The following PAK3 variants were observed in gnomAD, a reference collection of about 807,000 sequenced individuals.
The protein encoded by PAK3 is p21 (RAC1) activated kinase 3.
PAK3 carries 4 observed loss-of-function variants against 41.0 expected under a neutral mutation model. The observed-to-expected ratio is 0.10, with a 90% CI of 0.05 to 0.22. PAK3 has a LOEUF of 0.22. PAK3 is among the 10% of genes least tolerant of loss of function. The probability of loss-of-function intolerance (pLI) is 1.00; values close to 1 mark genes in which losing one functional copy is unlikely to be tolerated. For synonymous variants in PAK3, 146 were observed against 139.6 expected, an observed-to-expected ratio of 1.05 and a Z score of -0.32; for missense variants, 205 against 409.9, an observed-to-expected ratio of 0.50 and a Z score of 4.32.
At chrX:110,949,388 C>T (rs2090693275) in intron 1 of PAK3, among the ~76,000 whole-genome samples, 1 of 111,787 alleles carries the variant, frequency 8.9e-6, no homozygotes, top group South Asian at 3.8e-4. Flanking sequence ...ATGATTTGAT[C>T]ATCCTAGTCC....
intron 1 of PAK3, among the ~76,000 whole-genome samples, chrX:110,949,230 G>A (rs189412606): frequency 5.4e-5 from 6 of 111,414 alleles, no homozygotes; most frequent in African/African-American, 9.8e-5. Flanking sequence ...AGTTTTAGCA[G>A]AGGGATAGGT....
At chrX:111,018,846 G>A (rs112072654) in intron 1 of PAK3, among the ~76,000 whole-genome samples, 2,303 of 111,467 alleles carry the variant, frequency 0.021, 64 homozygotes, top group African/African-American at 0.07. Flanking sequence ...AACATACTAC[G>A]AAGCTTACAG....
At chrX:111,211,006 T>C (rs917912010) in intron 16 of PAK3, among the ~76,000 whole-genome samples, 2 of 111,608 alleles carry the variant, frequency 1.8e-5, no homozygotes, top group Non-Finnish European at 3.8e-5. Context: ...AAAGAGGAGA[T>C]GGCATTTTAA....
chrX:111,096,013 T>G (rs1259406366), upstream of PAK3, among the ~76,000 whole-genome samples: 1 of 111,314 alleles, frequency 9.0e-6, no homozygotes, highest in African/African-American at 3.3e-5. Context: ...TTCCCTCCCC[T>G]TCAGTTTTTT....
chrX:111,146,619 T>C, intron 6 of PAK3: 1 of 694,478 alleles, frequency 1.4e-6, no homozygotes, highest in Non-Finnish European at 2.2e-6. Flanking sequence ...TGAGATGTCA[T>C]AGCACTGCAG....
chrX:111,215,173 C>T (rs945982767), intron 16 of PAK3, among the ~76,000 whole-genome samples: 1 of 111,874 alleles, frequency 8.9e-6, no homozygotes, highest in Admixed American at 9.5e-5. Flanking sequence ...TCATCCTTAG[C>T]TCTCCAGTGT....
At chrX:111,094,713 A>AGTT (rs1375282241), upstream of PAK3, among the ~76,000 whole-genome samples, 1 of 45,069 alleles carries the variant, frequency 2.2e-5, no homozygotes, top group African/African-American at 9.7e-5. Context: ...TTGGAGACGG[A>AGTT]GTTTTGCTCT....
At chrX:110,967,861 T>A (rs2091114051) in intron 1 of PAK3, among the ~76,000 whole-genome samples, 1 of 111,893 alleles carries the variant, frequency 8.9e-6, no homozygotes, top group African/African-American at 3.3e-5. Flanking sequence ...ACAATGTGTG[T>A]GTCTAGTTCC....
intron 1 of PAK3, among the ~76,000 whole-genome samples, chrX:110,996,437 A>C (rs1181797867): frequency 8.9e-6 from 1 of 111,908 alleles, no homozygotes; most frequent in Non-Finnish European, 1.9e-5. Flanking sequence ...TATATAGTGA[A>C]ATTTTTATAG....
At chrX:111,202,617 A>C (rs901203983) in intron 16 of PAK3, among the ~76,000 whole-genome samples, 1 of 112,115 alleles carries the variant, frequency 8.9e-6, no homozygotes, top group Non-Finnish European at 1.9e-5. Context: ...CTGTTATTAT[A>C]ATAACTTGAT....
At chrX:111,172,424 G>A (rs2094354547) in intron 10 of PAK3, among the ~76,000 whole-genome samples, 1 of 111,373 alleles carries the variant, frequency 9.0e-6, no homozygotes, top group Admixed American at 9.5e-5. Context: ...TGATGCTGAG[G>A]CTTGGGACTC....
At chrX:111,186,527 A>T (rs1488676163) in intron 11 of PAK3, among the ~76,000 whole-genome samples, 8 of 111,662 alleles carry the variant, frequency 7.2e-5, no homozygotes, top group Admixed American at 6.7e-4. Flanking sequence ...GTGAACTCCT[A>T]TTTACAATTG....
intron 4 of PAK3, among the ~76,000 whole-genome samples, chrX:111,114,396 G>T (rs887715347): frequency 1.8e-5 from 2 of 111,768 alleles, no homozygotes; most frequent in African/African-American, 6.5e-5. Flanking sequence ...TTACTTAAGG[G>T]GCCTCAATAA....
intron 1 of PAK3, among the ~76,000 whole-genome samples, chrX:110,945,536 C>T (rs181408728): frequency 9.7e-4 from 109 of 111,811 alleles, no homozygotes; most frequent in East Asian, 3.4e-3. Context: ...CCTCTCTCAG[C>T]CAATGAGGAT....
chrX:111,054,238 G>A (rs1316316531), intron 1 of PAK3, among the ~76,000 whole-genome samples: 1 of 112,254 alleles, frequency 8.9e-6, no homozygotes, highest in Non-Finnish European at 1.9e-5. Flanking sequence ...TTATACGGCT[G>A]TTTTGCTCAC....
chrX:111,209,885 G>A (rs1372524843), intron 16 of PAK3, among the ~76,000 whole-genome samples: 4 of 112,180 alleles, frequency 3.6e-5, no homozygotes, highest in African/African-American at 1.3e-4. Context: ...TAACTTCTAT[G>A]ATGACTGCTT....
At chrX:111,185,742 A>G (rs1395367456) in intron 11 of PAK3, among the ~76,000 whole-genome samples, 1 of 111,115 alleles carries the variant, frequency 9.0e-6, no homozygotes, top group African/African-American at 3.3e-5. Flanking sequence ...TTTTGGTACC[A>G]GTACCATGGT....
intron 11 of PAK3, among the ~76,000 whole-genome samples, chrX:111,173,509 G>A (rs943640711): frequency 5.4e-5 from 6 of 111,406 alleles, no homozygotes; most frequent in Non-Finnish European, 1.1e-4. Context: ...GGTGGGGAAT[G>A]TCCTTATGGA....
chrX:111,191,917 C>T (rs1389485916), intron 11 of PAK3, among the ~76,000 whole-genome samples: 1 of 111,085 alleles, frequency 9.0e-6, no homozygotes, highest in Admixed American at 9.6e-5. Context: ...TGTTCCAATA[C>T]TGTACACTTA....
Sources: allele counts gnomAD v4.1 joint callset (sites outside exome capture counted in the v4.1 genomes callset), GRCh38; gene constraint gnomAD v4.1.1; transcripts MANE v1.5; gene names NCBI Gene and HGNC (gene_info 2026-07-23, HGNC 2026-07-21).